SLC24A3: variants seen among roughly 807,000 people sequenced by gnomAD.
SLC24A3 encodes the protein solute carrier family 24 member 3, also known as sodium/potassium/calcium exchanger 3.
A neutral mutation model predicts 75.8 loss-of-function variants in SLC24A3; 28 were observed. That is an observed-to-expected ratio of 0.37 (90% CI 0.27 to 0.51). The LOEUF (loss-of-function observed/expected upper bound fraction) is 0.51. Ranked by LOEUF, SLC24A3 falls within the 20% of genes least tolerant of loss-of-function variation. SLC24A3 has a pLI of 0.94. For missense variants in SLC24A3, 663 were observed against 847.8 expected, an observed-to-expected ratio of 0.78 and a Z score of 2.71; for synonymous variants, 372 against 334.1, an observed-to-expected ratio of 1.11 and a Z score of -1.24.
chr20:19,291,096 C>G (rs1983931048), intron 2 of SLC24A3, among the ~76,000 whole-genome samples: 1 of 152,188 alleles, frequency 6.6e-6, no homozygotes, highest in East Asian at 1.9e-4. Context: ...ACTTGCCACT[C>G]CCACCCACTC....
intron 7 of SLC24A3, among the ~76,000 whole-genome samples, chr20:19,655,906 T>TTA (rs979895132): frequency 3.1e-4 from 47 of 151,988 alleles, no homozygotes; most frequent in African/African-American, 8.0e-4. Flanking sequence ...AATCTTCATT[T>TTA]TATATATATA....
intron 1 of SLC24A3, among the ~76,000 whole-genome samples, chr20:19,252,646 G>C (rs892466710): frequency 1.3e-4 from 19 of 149,110 alleles, no homozygotes; most frequent in Middle Eastern, 3.4e-3. Context: ...GGAATGGCGG[G>C]GGGGGGTGCC....
At chr20:19,236,146 G>T (rs1982160813) in intron 1 of SLC24A3, among the ~76,000 whole-genome samples, 1 of 152,154 alleles carries the variant, frequency 6.6e-6, no homozygotes, top group South Asian at 2.1e-4. Context: ...TGCTCTGTTG[G>T]TAACATATGG....
In SLC24A3 at chr20:19,719,700, G is replaced by A. The variant is rs113329010; in HGVS notation, c.1786-1291G>A. 4.5e-3 allele frequency among the ~76,000 whole-genome samples: 682 copies of A among 152,290 alleles called. 2 individuals carry two copies. Among genetic ancestry groups the A allele is most frequent in the Middle Eastern group, 0.027 (8 of 294 alleles). Reference sequence around the variant, plus strand: ...CTCTAATTTAAAATAAGACCCATCCGCATGGCTGACCGATTTCCTCCAACC... The same window carrying A: ...CTCTAATTTAAAATAAGACCCATCCACATGGCTGACCGATTTCCTCCAACC... On this transcript the variant is annotated intron_variant, in intron 16 of 16. Transcript: ENST00000328041.
At chr20:19,566,250 A>G (rs979862473) in intron 3 of SLC24A3, among the ~76,000 whole-genome samples, 2 of 152,214 alleles carry the variant, frequency 1.3e-5, no homozygotes, top group Non-Finnish European at 2.9e-5. Context: ...TTGTATCTAG[A>G]AGCCCAGCTT....
intron 2 of SLC24A3, among the ~76,000 whole-genome samples, chr20:19,301,166 C>G (rs1984187447): frequency 6.6e-6 from 1 of 152,204 alleles, no homozygotes; most frequent in Middle Eastern, 3.2e-3. Flanking sequence ...CCCTGCACCT[C>G]TCCCTGTTCA....
intron 5 of SLC24A3, 43 bp downstream of exon 5, chr20:19,585,098 A>AG: frequency 6.4e-7 from 1 of 1,552,680 alleles, no homozygotes; most frequent in Non-Finnish European, 8.8e-7. Flanking sequence ...TCACTGTCTG[A>AG]AGGAAAAGGG....
intron 1 of SLC24A3, among the ~76,000 whole-genome samples, chr20:19,268,272 A>G (rs892880480): frequency 6.6e-6 from 1 of 152,182 alleles, no homozygotes; most frequent in Non-Finnish European, 1.5e-5. Context: ...TGCAGGTGCC[A>G]TTGTGAATTC....
chr20:19,551,997 T>A (rs1397107572), intron 3 of SLC24A3, among the ~76,000 whole-genome samples: 2 of 152,230 alleles, frequency 1.3e-5, no homozygotes, highest in Non-Finnish European at 2.9e-5. Context: ...ACGTCGCCAC[T>A]GCTTGCTCTT....
chr20:19,644,796 A>C (rs1175853888), intron 6 of SLC24A3, among the ~76,000 whole-genome samples: 1 of 152,194 alleles, frequency 6.6e-6, no homozygotes, highest in African/African-American at 2.4e-5. Context: ...CCAGGGGAAA[A>C]TTAGATGACC....
intron 1 of SLC24A3, among the ~76,000 whole-genome samples, chr20:19,231,918 G>A (rs913284227): frequency 3.3e-5 from 5 of 152,142 alleles, no homozygotes; most frequent in African/African-American, 1.2e-4. Flanking sequence ...TTTTATTGTT[G>A]TCACCCTCCC....
At chr20:19,646,845 G>T (rs1379418197) in intron 6 of SLC24A3, among the ~76,000 whole-genome samples, 2 of 148,210 alleles carry the variant, frequency 1.3e-5, no homozygotes, top group Admixed American at 6.8e-5. Context: ...AAAACTCTGT[G>T]TGTGTGCGTG....
chr20:19,418,192 A>T (rs1318474012), intron 2 of SLC24A3, among the ~76,000 whole-genome samples: 1 of 152,236 alleles, frequency 6.6e-6, no homozygotes, highest in Non-Finnish European at 1.5e-5. Context: ...GACAAAAAGG[A>T]ATTTTAAACA....
intron 1 of SLC24A3, chr20:19,213,417 A>G (rs6045909): frequency 0.015 from 2,367 of 152,790 alleles, 54 homozygotes; most frequent in African/African-American, 0.051. Context: ...CTTAACACAC[A>G]GTTGTCCGTA....
intron 2 of SLC24A3, among the ~76,000 whole-genome samples, chr20:19,316,402 G>A (rs1984587486): frequency 6.6e-6 from 1 of 152,240 alleles, no homozygotes; most frequent in Admixed American, 6.5e-5. Context: ...CAGCCACTGG[G>A]TCAGGGTGTA....
At chr20:19,277,360 T>C (rs1050406483) in intron 1 of SLC24A3, among the ~76,000 whole-genome samples, 3 of 152,248 alleles carry the variant, frequency 2.0e-5, no homozygotes, top group African/African-American at 7.2e-5. Flanking sequence ...GAAGCCATGC[T>C]AACTACGAAA....
intron 6 of SLC24A3, among the ~76,000 whole-genome samples, chr20:19,639,002 G>C (rs1012325950): frequency 6.6e-6 from 1 of 152,096 alleles, no homozygotes; most frequent in African/African-American, 2.4e-5. Context: ...CTGTGGAAGG[G>C]GACCCCAGTG....
At chr20:19,320,240 A>G (rs1024067821) in intron 2 of SLC24A3, among the ~76,000 whole-genome samples, 1 of 152,154 alleles carries the variant, frequency 6.6e-6, no homozygotes, top group Admixed American at 6.5e-5. Context: ...AGTGGTGTGC[A>G]TGTGTTTTTG....
intron 1 of SLC24A3, among the ~76,000 whole-genome samples, chr20:19,280,478 C>T (rs1386602302): frequency 6.6e-6 from 1 of 152,174 alleles, no homozygotes; most frequent in African/African-American, 2.4e-5. Context: ...CTTATTGACT[C>T]AGTGGAGCTG....
Sources: gnomAD v4.1 joint callset for allele counts (sites outside exome capture counted in the v4.1 genomes callset) on GRCh38, gnomAD v4.1.1 for gene constraint, MANE v1.5 for transcripts, NCBI Gene and HGNC (gene_info 2026-07-23, HGNC 2026-07-21) for gene names.